Variants in UNC13C observed in about 807,000 individuals in gnomAD.
UNC13C encodes unc-13 homolog C.
In UNC13C, 174 loss-of-function variants were observed where a neutral mutation model predicts 245.4. That is an observed-to-expected ratio of 0.71 (90% confidence interval 0.63 to 0.80). UNC13C has a LOEUF of 0.80. Among genes scored for constraint, UNC13C ranks in the 30% least tolerant of loss-of-function variants. UNC13C has a pLI of 0.00. For missense variants in UNC13C, 2,829 were observed against 2,602.9 expected, an observed-to-expected ratio of 1.09 and a Z score of -1.89; for synonymous variants, 992 against 895.1, an observed-to-expected ratio of 1.11 and a Z score of -1.93.
At chr15:54,578,742 A>C (rs1898069911) in intron 30 of UNC13C, among the ~76,000 whole-genome samples, 2 of 152,192 alleles carry the variant, frequency 1.3e-5, no homozygotes, top group South Asian at 4.1e-4. Context: ...TAATCCTAAC[A>C]CTTTGGGAGA....
At chr15:54,122,636 A>C (rs1595882151) in intron 2 of UNC13C, among the ~76,000 whole-genome samples, 2 of 152,000 alleles carry the variant, frequency 1.3e-5, no homozygotes, top group South Asian at 4.1e-4. Flanking sequence ...CTTGTAGTCA[A>C]TTATCTTTGC....
At chr15:53,906,865 G>C in the UNC13C span, among the ~76,000 whole-genome samples, 2 of 152,166 alleles carry the variant, frequency 1.3e-5, no homozygotes, top group African/African-American at 4.8e-5. Flanking sequence ...TCTTCACATG[G>C]TGGCAGGAGA....
intron 4 of UNC13C, among the ~76,000 whole-genome samples, chr15:54,213,733 A>G (rs181043476): frequency 2.6e-4 from 39 of 152,184 alleles, no homozygotes; most frequent in African/African-American, 9.1e-4. Context: ...GTAACCAAAA[A>G]TAGATAAAGC....
intron 19 of UNC13C, among the ~76,000 whole-genome samples, chr15:54,422,062 G>A (rs2040655806): frequency 6.6e-6 from 1 of 152,032 alleles, no homozygotes; most frequent in Non-Finnish European, 1.5e-5. Context: ...AAACCTAGAA[G>A]TACAACCTTC....
rs201712423 is a variant in UNC13C, at chr15:54,014,901, A to G, written c.1998A>G (p.Leu666=). The G allele has an allele frequency of 6.2e-7, 1 of 1,613,906 alleles. No homozygotes were observed. The highest frequency in any genetic ancestry group is 8.5e-7 in the Non-Finnish European group (1 of 1,179,846). ...AGGAATGGAATCAAGGAGCTGATTT[A>G]GGCTTGGATTCATCCACCCAGGAAG... ...PWKEWNQGAD[L]GLDSSTQEGF... is the part of the protein sequence containing the mutation. Residue 666 remains leucine (L), a synonymous_variant, in exon 2 of 33, where the codon TTA becomes TTG. Coordinates refer to ENST00000260323, the MANE Select transcript of UNC13C (RefSeq NM_001080534.3).
intron 26 of UNC13C, among the ~76,000 whole-genome samples, chr15:54,543,321 A>C (rs1896332557): frequency 6.6e-6 from 1 of 152,168 alleles, no homozygotes; most frequent in Non-Finnish European, 1.5e-5. Context: ...AATTTATAGC[A>C]CTAAATGCCC....
intron 4 of UNC13C, among the ~76,000 whole-genome samples, chr15:54,189,081 A>G (rs1392269067): frequency 6.6e-6 from 1 of 152,160 alleles, no homozygotes; most frequent in Non-Finnish European, 1.5e-5. Flanking sequence ...TCAGAGATTT[A>G]TGCACCAAAA....
chr15:54,174,034 G>A (rs1280237073), intron 4 of UNC13C, among the ~76,000 whole-genome samples: 1 of 152,028 alleles, frequency 6.6e-6, no homozygotes, highest in Non-Finnish European at 1.5e-5. Flanking sequence ...GTATTCTTAT[G>A]ATAAACTTCA....
intron 10 of UNC13C, 120 bp from the exon 11 acceptor site, chr15:54,293,775 A>G (rs1304785848): frequency 2.8e-6 from 2 of 726,176 alleles, no homozygotes; most frequent in Admixed American, 4.3e-5. Context: ...GAAATGGGTT[A>G]TCTCATTTAT....
At chr15:54,027,799 T>C (rs530388401) in intron 2 of UNC13C, among the ~76,000 whole-genome samples, 1 of 150,706 alleles carries the variant, frequency 6.6e-6, no homozygotes, top group South Asian at 2.1e-4. Flanking sequence ...TTTTTTTTTT[T>C]TCTGGCTTTT....
intron 2 of UNC13C, among the ~76,000 whole-genome samples, chr15:54,091,213 C>T (rs1899555728): frequency 6.6e-6 from 1 of 152,140 alleles, no homozygotes; most frequent in African/African-American, 2.4e-5. Flanking sequence ...AATTGTCTCT[C>T]CTGCACTTAA....
chr15:54,202,148 C>A (rs557841848), intron 4 of UNC13C, among the ~76,000 whole-genome samples: 3 of 152,034 alleles, frequency 2.0e-5, no homozygotes, highest in Admixed American at 2.0e-4. Flanking sequence ...AACTACAAAA[C>A]CCTGCTGAAA....
intron 4 of UNC13C, among the ~76,000 whole-genome samples, chr15:54,164,702 A>G (rs2033104623): frequency 6.6e-6 from 1 of 152,198 alleles, no homozygotes; most frequent in Non-Finnish European, 1.5e-5. Context: ...CTCAGTGTCA[A>G]ATGTTCTGGA....
At chr15:53,862,049 G>A in the UNC13C span, among the ~76,000 whole-genome samples, 4 of 152,206 alleles carry the variant, frequency 2.6e-5, no homozygotes, top group Admixed American at 6.5e-5. Context: ...CATAGACTGG[G>A]TAGCTTAAAC....
chr15:53,912,840 A>G, the UNC13C span: 60,613 of 152,098 alleles, frequency 0.4, 12,103 homozygotes, highest in Middle Eastern at 0.46. Flanking sequence ...CTCTAGTATA[A>G]CCAGTCAAAA....
At chr15:54,174,865 A>G (rs2033551872) in intron 4 of UNC13C, among the ~76,000 whole-genome samples, 1 of 152,190 alleles carries the variant, frequency 6.6e-6, no homozygotes, top group East Asian at 1.9e-4. Context: ...CTTGATTTCA[A>G]TTTAATTAAG....
At chr15:54,614,945 G>C (rs908229050) in intron 30 of UNC13C, among the ~76,000 whole-genome samples, 2 of 152,020 alleles carry the variant, frequency 1.3e-5, no homozygotes, top group Non-Finnish European at 2.9e-5. Context: ...GCTATCTCCA[G>C]TGAGTTCTGA....
chr15:54,462,549 C>T (rs1437812083), intron 19 of UNC13C, among the ~76,000 whole-genome samples: 1 of 152,226 alleles, frequency 6.6e-6, no homozygotes, highest in African/African-American at 2.4e-5. Context: ...ACACTTTGAG[C>T]AACTGGCCAG....
intron 2 of UNC13C, among the ~76,000 whole-genome samples, chr15:54,046,730 A>G (rs1897053792): frequency 6.6e-6 from 1 of 151,952 alleles, no homozygotes; most frequent in Non-Finnish European, 1.5e-5. Context: ...TTTCATTGAA[A>G]TATAACAATA....
Sources: gnomAD v4.1 joint callset for allele counts (sites outside exome capture counted in the v4.1 genomes callset) on GRCh38, gnomAD v4.1.1 for gene constraint, MANE v1.5 for transcripts, NCBI Gene and HGNC (gene_info 2026-07-23, HGNC 2026-07-21) for gene names.